PTCH1: variants seen among roughly 807,000 people sequenced by gnomAD.
The protein encoded by PTCH1 is patched 1, also known as protein patched homolog 1.
A neutral mutation model predicts 144.6 loss-of-function variants in PTCH1; 14 were observed. The ratio of observed to expected loss-of-function variants is 0.10; its 90% CI spans 0.06 to 0.15. The LOEUF (loss-of-function observed/expected upper bound fraction) is 0.15. PTCH1 is among the 10% of genes least tolerant of loss of function. PTCH1 has a pLI of 1.00. For missense variants in PTCH1, 1,623 were observed against 1,948.3 expected (o/e 0.83, Z 3.14); for synonymous variants, 833 against 793.6 (o/e 1.05, Z -0.83).
chr9:95,461,407 T>C (rs1252174372), intron 16 of PTCH1, among the ~76,000 whole-genome samples: 1 of 152,122 alleles, frequency 6.6e-6, no homozygotes, highest in Non-Finnish European at 1.5e-5. Flanking sequence ...CTGTCACCTC[T>C]CCAATCTCCT....
At chr9:95,501,354 T>C (rs1843138032) in intron 2 of PTCH1, among the ~76,000 whole-genome samples, 1 of 151,998 alleles carries the variant, frequency 6.6e-6, no homozygotes, top group Non-Finnish European at 1.5e-5. Flanking sequence ...CCAGCCCCAA[T>C]GTCAATAGTC....
At chr9:95,504,887 AAC>A (rs904183706) in intron 2 of PTCH1, among the ~76,000 whole-genome samples, 13 of 152,212 alleles carry the variant, frequency 8.5e-5, no homozygotes, top group African/African-American at 3.1e-4. Context: ...TATGGTGCTT[AAC>A]ACAGTGCTAG....
chr9:95,490,711 G>A (rs1486589275), intron 2 of PTCH1, among the ~76,000 whole-genome samples: 2 of 152,166 alleles, frequency 1.3e-5, no homozygotes, highest in Non-Finnish European at 2.9e-5. Flanking sequence ...GTTATCAGAG[G>A]CTGGGAAGAA....
At chr9:95,492,003 A>T (rs1041341988) in intron 2 of PTCH1, among the ~76,000 whole-genome samples, 5 of 152,228 alleles carry the variant, frequency 3.3e-5, no homozygotes, top group Admixed American at 1.3e-4. Context: ...AATCAAAGAG[A>T]GACGTCTTAA....
intron 2 of PTCH1, among the ~76,000 whole-genome samples, chr9:95,493,152 CTTCT>C (rs1842545056): frequency 6.6e-6 from 1 of 152,202 alleles, no homozygotes; most frequent in Admixed American, 6.5e-5. Context: ...GAGGCCCATA[CTTCT>C]AGGCCAATAT....
In PTCH1 at chr9:95,456,809, G is replaced by A. The variant is rs577049506; in HGVS notation, c.3169-396C>T. On this transcript the variant is annotated intron_variant, in intron 18 of 23. Transcript: ENST00000331920. ...CTCTCCTCCTGCTTGGGTCTCAGCC[G>A]CCAGAGACCATCCGTGAACCCATCA... 7.2e-5 allele frequency among the ~76,000 whole-genome samples: 11 copies of A among 152,226 alleles called. No homozygotes were observed. The South Asian group carries it at 1.5e-3, about 20-fold the overall frequency.
intron 2 of PTCH1, among the ~76,000 whole-genome samples, chr9:95,502,146 T>C (rs1843191783): frequency 6.6e-6 from 1 of 152,218 alleles, no homozygotes; most frequent in South Asian, 2.1e-4. Context: ...TTGCCTATGC[T>C]GTTCCTTCTG....
At chr9:95,462,474 T>C (rs909146459) in intron 15 of PTCH1, among the ~76,000 whole-genome samples, 3 of 152,112 alleles carry the variant, frequency 2.0e-5, no homozygotes, top group Admixed American at 6.5e-5. Flanking sequence ...GAGCCCAGGG[T>C]GAGCGAACAC....
chr9:95,469,295 A>G (rs1840344258), intron 13 of PTCH1, 142 bp from the exon 14 acceptor site: 2 of 1,157,292 alleles, frequency 1.7e-6, no homozygotes, highest in Non-Finnish European at 2.5e-6. Flanking sequence ...GCTGAATTCC[A>G]GAAACATCGC....
intron 2 of PTCH1, among the ~76,000 whole-genome samples, chr9:95,491,980 T>C (rs537120060): frequency 2.8e-4 from 43 of 152,170 alleles, no homozygotes; most frequent in Non-Finnish European, 5.4e-4. Context: ...CAGGAAATCA[T>C]GTCAATTCAT....
intron 2 of PTCH1, among the ~76,000 whole-genome samples, chr9:95,505,689 C>T (rs959443980): frequency 1.3e-5 from 2 of 151,942 alleles, no homozygotes; most frequent in African/African-American, 4.8e-5. Flanking sequence ...GTAAAAAGCC[C>T]CCACCCGCGA....
intron 12 of PTCH1, chr9:95,474,125 G>C: frequency 2.0e-6 from 1 of 492,868 alleles, no homozygotes; most frequent in Non-Finnish European, 4.0e-6. Context: ...AGTCGGCCTC[G>C]ATGAGCCATC....
At chr9:95,450,001 G>A (rs1239753029) in intron 20 of PTCH1, 61 bp from the exon 21 acceptor site, 21 of 1,444,594 alleles carry the variant, frequency 1.5e-5, no homozygotes, top group Admixed American at 1.7e-5. Context: ...GCCACCCTCC[G>A]TGTGCCCGAC....
chr9:95,443,955 T>C lies in PTCH1; in HGVS notation c.*2438A>G, dbSNP rs552809479. 1 of 152,646 alleles carries C rather than the reference T, an allele frequency of 6.6e-6. No homozygotes were observed. Among genetic ancestry groups the C allele is most frequent in the Non-Finnish European group, 1.5e-5 (1 of 68,030 alleles). 9.5% of individuals were successfully genotyped at this position (152,646 alleles called of 1,614,324 possible). ...CTATTTAACATTAGTAAGCACTCTA[T>C]ACAAATAAAAATTCTGTCCAAAAGT... On this transcript the variant is annotated 3_prime_UTR_variant, in exon 24 of 24. Coordinates refer to ENST00000331920, the MANE Select transcript of PTCH1 (RefSeq NM_000264.5).
At chr9:95,482,341 C>A (rs1362804086) in intron 3 of PTCH1, 138 bp from the exon 4 acceptor site, 5 of 808,002 alleles carry the variant, frequency 6.2e-6, no homozygotes, top group Non-Finnish European at 1.0e-5. Context: ...AGAGCTTTTG[C>A]CAAGTAGAGA....
chr9:95,466,688 G>A (rs1309586131), intron 15 of PTCH1, among the ~76,000 whole-genome samples: 2 of 152,180 alleles, frequency 1.3e-5, no homozygotes, highest in African/African-American at 4.8e-5. Context: ...AATATGGAGT[G>A]TAAGACTATG....
Position 95,478,917 on chromosome 9 carries a change from TGGAAA to T in PTCH1, c.1215+78_1215+82del, listed in dbSNP as rs1841308047. On this transcript the variant is annotated intron_variant, in intron 8 of 23. Transcript: ENST00000331920. ...TGCAATGTTTTGAAAATAAAGCGAA[TGGAAA>T]GAAATGTTTTAAATAATGGTGAAAA... 8 of 1,595,078 alleles carry T rather than the reference TGGAAA, an allele frequency of 5.0e-6. No individual in the cohort carries two copies. The South Asian group carries it at 9.0e-5, about 18-fold the overall frequency.
In PTCH1 at chr9:95,443,241, T is replaced by C. The variant is rs1052321226; in HGVS notation, c.*3152A>G. ...GTAACAGAGCTATGCTTATACCCAC[T>C]ATTTATACAAAACAAAAAGGAGGAA... On this transcript the variant is annotated 3_prime_UTR_variant, in exon 24 of 24. Coordinates refer to ENST00000331920, the MANE Select transcript of PTCH1 (RefSeq NM_000264.5). 5.3e-5 allele frequency: 8 copies of C among 152,178 alleles called. No homozygotes were observed. Among genetic ancestry groups the C allele is most frequent in the African/African-American group, 1.9e-4 (8 of 41,438 alleles). 9.4% of individuals were successfully genotyped at this position (152,178 alleles called of 1,614,324 possible).
chr9:95,462,625 GA>G (rs1839594341), intron 15 of PTCH1, among the ~76,000 whole-genome samples: 1 of 152,226 alleles, frequency 6.6e-6, no homozygotes, highest in Non-Finnish European at 1.5e-5. Context: ...TTCCTCAGGA[GA>G]GGGGGTGGAG....
Sources: allele counts gnomAD v4.1 joint callset (sites outside exome capture counted in the v4.1 genomes callset), GRCh38; gene constraint gnomAD v4.1.1; transcripts MANE v1.5; gene names NCBI Gene and HGNC (gene_info 2026-07-23, HGNC 2026-07-21).